CMTM8: variants seen among roughly 807,000 people sequenced by gnomAD.
CMTM8 encodes CKLF-like MARVEL transmembrane domain-containing protein 8.
CMTM8 carries 12 observed loss-of-function variants against 18.6 expected under a neutral mutation model. The ratio of observed to expected loss-of-function variants is 0.65; its 90% CI spans 0.41 to 1.05. The LOEUF (loss-of-function observed/expected upper bound fraction) is 1.05. CMTM8 is among the 50% of genes least tolerant of loss of function. CMTM8 has a pLI of 0.00. For synonymous variants in CMTM8, 87 were observed against 90.6 expected, an observed-to-expected ratio of 0.96 and a Z score of 0.23; for missense variants, 217 against 227.2, an observed-to-expected ratio of 0.95 and a Z score of 0.29.
At chr3:32,324,373 G>A (rs72855609) in intron 1 of CMTM8, among the ~76,000 whole-genome samples, 2,626 of 152,228 alleles carry the variant, frequency 0.017, 87 homozygotes, top group African/African-American at 0.06. Flanking sequence ...AGGGTTCCCT[G>A]GGCCTTTCCT....
chr3:32,302,190 G>T (rs1695633942), intron 1 of CMTM8, among the ~76,000 whole-genome samples: 1 of 151,616 alleles, frequency 6.6e-6, no homozygotes, highest in South Asian at 2.1e-4. Context: ...ACTACTTGGA[G>T]GTGGGGGCTA....
chr3:32,317,122 G>A (rs1328875420), intron 1 of CMTM8, among the ~76,000 whole-genome samples: 2 of 152,062 alleles, frequency 1.3e-5, no homozygotes, highest in Non-Finnish European at 2.9e-5. Context: ...GTGGGACCTG[G>A]GACAGGGACT....
At chr3:32,239,458 T>C (rs1470827686) in intron 1 of CMTM8, among the ~76,000 whole-genome samples, 2 of 151,932 alleles carry the variant, frequency 1.3e-5, no homozygotes, top group Non-Finnish European at 2.9e-5. Flanking sequence ...CTGGTGCCTT[T>C]CTCACCTGAT....
chr3:32,275,644 CTTTTT>C (rs771943263), intron 1 of CMTM8, among the ~76,000 whole-genome samples: 23 of 78,104 alleles, frequency 2.9e-4, no homozygotes, highest in Admixed American at 1.2e-3. Context: ...CATGTACTTC[CTTTTT>C]TTTTTTTTTT....
chr3:32,243,641 C>T (rs1212270465), intron 1 of CMTM8, among the ~76,000 whole-genome samples: 1 of 152,024 alleles, frequency 6.6e-6, no homozygotes, highest in Non-Finnish European at 1.5e-5. Context: ...TCCACTCAGA[C>T]TGACTTTTAC....
At chr3:32,287,790 G>C (rs1279221337) in intron 1 of CMTM8, among the ~76,000 whole-genome samples, 1 of 152,152 alleles carries the variant, frequency 6.6e-6, no homozygotes, top group Non-Finnish European at 1.5e-5. Flanking sequence ...TGGCAGAAGA[G>C]ATATTGATTC....
intron 1 of CMTM8, among the ~76,000 whole-genome samples, chr3:32,304,245 C>A (rs908992788): frequency 2.9e-4 from 44 of 152,068 alleles, no homozygotes; most frequent in Admixed American, 2.4e-3. Context: ...TAAAAGGGAC[C>A]CTATTCTCAT....
chr3:32,288,764 T>G (rs566905221), intron 1 of CMTM8, among the ~76,000 whole-genome samples: 34 of 152,228 alleles, frequency 2.2e-4, no homozygotes, highest in Non-Finnish European at 4.3e-4. Flanking sequence ...CCTCCCAAAG[T>G]GCTGGGATTA....
intron 1 of CMTM8, among the ~76,000 whole-genome samples, chr3:32,310,651 A>G (rs1695801851): frequency 6.6e-6 from 1 of 152,172 alleles, no homozygotes; most frequent in Admixed American, 6.5e-5. Flanking sequence ...GATTATCCTT[A>G]TGGTCAGCTA....
At chr3:32,291,863 G>A (rs1225492372) in intron 1 of CMTM8, among the ~76,000 whole-genome samples, 1 of 152,188 alleles carries the variant, frequency 6.6e-6, no homozygotes, top group African/African-American at 2.4e-5. Flanking sequence ...ATGATTAGAG[G>A]GGGAGTCCTT....
chr3:32,344,436 G>C (rs1696556319), intron 1 of CMTM8, among the ~76,000 whole-genome samples: 1 of 152,140 alleles, frequency 6.6e-6, no homozygotes, highest in Non-Finnish European at 1.5e-5. Flanking sequence ...CCCACCAATA[G>C]TGCCTAGAAA....
At chr3:32,297,135 C>T (rs1702894384) in intron 1 of CMTM8, among the ~76,000 whole-genome samples, 2 of 152,172 alleles carry the variant, frequency 1.3e-5, no homozygotes, top group Non-Finnish European at 2.9e-5. Context: ...ATCATTTCCT[C>T]ACCTTGAATG....
At chr3:32,241,035 G>A (rs917890946) in intron 1 of CMTM8, among the ~76,000 whole-genome samples, 1 of 152,142 alleles carries the variant, frequency 6.6e-6, no homozygotes, top group African/African-American at 2.4e-5. Context: ...CAATCCTCCT[G>A]CCTTGGCCTC....
intron 2 of CMTM8, among the ~76,000 whole-genome samples, chr3:32,367,662 G>A (rs1697065278): frequency 6.6e-6 from 1 of 152,134 alleles, no homozygotes; most frequent in Non-Finnish European, 1.5e-5. Flanking sequence ...GTGTCTCGTG[G>A]GGGCAGGGGT....
intron 1 of CMTM8, among the ~76,000 whole-genome samples, chr3:32,272,601 C>A (rs1702454984): frequency 6.6e-6 from 1 of 152,018 alleles, no homozygotes; most frequent in Non-Finnish European, 1.5e-5. Context: ...TTTTGAATTT[C>A]AATTCTCTTA....
intron 1 of CMTM8, among the ~76,000 whole-genome samples, chr3:32,269,778 A>G (rs1702408614): frequency 6.6e-6 from 1 of 152,146 alleles, no homozygotes; most frequent in Non-Finnish European, 1.5e-5. Context: ...AAACCCATAT[A>G]CAATTTATTT....
At chr3:32,346,380 G>A (rs1213977846) in intron 1 of CMTM8, among the ~76,000 whole-genome samples, 1 of 152,160 alleles carries the variant, frequency 6.6e-6, no homozygotes, top group Non-Finnish European at 1.5e-5. Flanking sequence ...GTCACTTCTT[G>A]TTACCTTCTC....
intron 1 of CMTM8, among the ~76,000 whole-genome samples, chr3:32,307,484 A>C (rs562790022): frequency 3.3e-5 from 5 of 152,260 alleles, no homozygotes; most frequent in Admixed American, 3.3e-4. Context: ...TGAGGGAGAA[A>C]GAACAGATCC....
At chr3:32,262,478 T>C (rs1345679745) in intron 1 of CMTM8, among the ~76,000 whole-genome samples, 1 of 152,196 alleles carries the variant, frequency 6.6e-6, no homozygotes, top group African/African-American at 2.4e-5. Flanking sequence ...ATTTACTACA[T>C]CCACTTCATT....
Sources: allele counts gnomAD v4.1 joint callset (sites outside exome capture counted in the v4.1 genomes callset), GRCh38; gene constraint gnomAD v4.1.1; transcripts MANE v1.5; gene names NCBI Gene and HGNC (gene_info 2026-07-23, HGNC 2026-07-21).